Variants in BCL9 observed in about 807,000 individuals in gnomAD.
The protein encoded by BCL9 is BCL9 transcription coactivator, also known as B-cell CLL/lymphoma 9 protein.
BCL9 carries 25 observed loss-of-function variants against 88.5 expected under a neutral mutation model. The observed-to-expected ratio is 0.28, with a 90% CI of 0.21 to 0.39. The LOEUF (loss-of-function observed/expected upper bound fraction) is 0.39. Ranked by LOEUF, BCL9 falls within the 10% of genes least tolerant of loss-of-function variation. The pLI, the probability that BCL9 is intolerant of heterozygous loss-of-function variation, is 1.00. For synonymous variants in BCL9, 711 were observed against 673.3 expected, an observed-to-expected ratio of 1.06 and a Z score of -0.87; for missense variants, 1,817 against 1,877.8, an observed-to-expected ratio of 0.97 and a Z score of 0.60.
intron 1 of BCL9, among the ~76,000 whole-genome samples, chr1:147,557,996 A>C (rs868923274): frequency 2.6e-5 from 4 of 152,260 alleles, no homozygotes; most frequent in Middle Eastern, 6.8e-3. Context: ...TAAGACCCAC[A>C]TTACTTTACA....
chr1:147,576,271 A>C (rs1381280003), intron 1 of BCL9, among the ~76,000 whole-genome samples: 3 of 152,218 alleles, frequency 2.0e-5, no homozygotes, highest in African/African-American at 7.2e-5. Context: ...AAAATGTCTA[A>C]GTGAAAAGGC....
Position 147,624,462 on chromosome 1 carries a change from C to G in BCL9, c.3784C>G (p.Gln1262Glu), listed in dbSNP as rs782777919. 1.9e-6 allele frequency: 3 copies of G among 1,614,092 alleles called. No homozygotes were observed. The highest frequency in any genetic ancestry group is 2.5e-6 in the Non-Finnish European group (3 of 1,180,040). ...TCGAGGGGAAGTTCCAGGCCGTAAACAGCCCCAGGGTCCTGGACCTGGGTT... is the reference window on the plus strand; with the variant it reads ...TCGAGGGGAAGTTCCAGGCCGTAAAGAGCCCCAGGGTCCTGGACCTGGGTT... ...FPRGEVPGRK[Q>E]PQGPGPGFSH... Residue 1262 changes from glutamine (Q) to glutamate (E), a missense_variant, in exon 10 of 10, where the codon CAG becomes GAG. Transcript: ENST00000234739. The surrounding 1 kb of genome is among the most constrained non-coding windows in gnomAD (Gnocchi z 4.4).
chr1:147,603,092 C>T (rs587736684), intron 1 of BCL9, among the ~76,000 whole-genome samples: 1 of 152,330 alleles, frequency 6.6e-6, no homozygotes, highest in East Asian at 1.9e-4. Context: ...GATTATGTAG[C>T]CCAACTCTTC....
intron 1 of BCL9, among the ~76,000 whole-genome samples, chr1:147,556,492 C>A (rs1394888939): frequency 6.6e-6 from 1 of 151,662 alleles, no homozygotes; most frequent in African/African-American, 2.4e-5. Flanking sequence ...CCCTCTGTCG[C>A]CCAGGCTGGA....
At position 147,547,637 on chromosome 1, in the gene BCL9, G is replaced by A. The variant is rs146725402; in HGVS notation, c.-478+5963G>A. 4.8e-3 allele frequency among the ~76,000 whole-genome samples: 734 copies of A among 152,244 alleles called. 3 individuals are homozygous for A. Among genetic ancestry groups the A allele is most frequent in the Non-Finnish European group, 8.2e-3 (560 of 67,998 alleles). On this transcript the variant is annotated intron_variant, in intron 1 of 9. Transcript: ENST00000234739. Reference sequence around the variant, plus strand: ...ATGTAATAATTTTTTGACTTACAATGTTCCTTTATTCTGGGTTGCTTAAAA... The same window carrying A: ...ATGTAATAATTTTTTGACTTACAATATTCCTTTATTCTGGGTTGCTTAAAA...
intron 1 of BCL9, among the ~76,000 whole-genome samples, chr1:147,554,350 C>G (rs6659237): frequency 0.18 from 27,982 of 152,062 alleles, 6,996 homozygotes; most frequent in African/African-American, 0.57. Flanking sequence ...ACTGAAAAGA[C>G]AAGGACATTT....
intron 1 of BCL9, among the ~76,000 whole-genome samples, chr1:147,542,092 A>G (rs1056544985): frequency 2.0e-5 from 3 of 152,168 alleles, no homozygotes; most frequent in Non-Finnish European, 4.4e-5. Context: ...AGGGCCGGCC[A>G]GGGCTCCGCC....
intron 1 of BCL9, among the ~76,000 whole-genome samples, chr1:147,604,227 C>T (rs955852974): frequency 6.6e-6 from 1 of 152,168 alleles, no homozygotes; most frequent in South Asian, 2.1e-4. Context: ...CCAGGAGGTT[C>T]ACAAACATTT....
At chr1:147,602,922 C>G (rs1657476779) in intron 1 of BCL9, among the ~76,000 whole-genome samples, 1 of 152,154 alleles carries the variant, frequency 6.6e-6, no homozygotes, top group African/African-American at 2.4e-5. Flanking sequence ...GTTCGTTCTC[C>G]CATTGACTTA....
At position 147,620,549 on chromosome 1, in the gene BCL9, G is replaced by A. The variant is rs990202062; in HGVS notation, c.2394G>A (p.Arg798=). ...GTCCAGGCAGCAACAGTGGCTTGCG[G>A]AATCTCAGAGAACCAATTGGGCCCG... is the stretch of plus-strand genomic sequence containing the variant. ...SQGPGSNSGL[R]NLREPIGPDQ... Residue 798 remains arginine, a synonymous_variant, in exon 8 of 10, where the codon CGG becomes CGA. Coordinates refer to ENST00000234739, the MANE Select transcript of BCL9 (RefSeq NM_004326.4). 1.2e-6 allele frequency: 2 copies of A among 1,613,448 alleles called. No homozygotes were observed. The highest frequency in any genetic ancestry group is 1.7e-6 in the Non-Finnish European group (2 of 1,179,894).
At chr1:147,613,386 T>C (rs1553203086) in intron 5 of BCL9, among the ~76,000 whole-genome samples, 187 bp downstream of exon 5, 1 of 152,236 alleles carries the variant, frequency 6.6e-6, no homozygotes, top group Non-Finnish European at 1.5e-5. Flanking sequence ...AAGAATTGTT[T>C]GGAACCTCCT....
intron 1 of BCL9, among the ~76,000 whole-genome samples, chr1:147,602,196 C>G (rs1657427872): frequency 1.5e-5 from 2 of 137,520 alleles, no homozygotes; most frequent in South Asian, 5.0e-4. Context: ...GCCACCGCGC[C>G]CGGCTAGAAG....
At position 147,612,694 on chromosome 1, in the gene BCL9, T is replaced by C. The variant is rs77826295; in HGVS notation, c.54-189T>C. Among the ~76,000 whole-genome samples the C allele has an allele frequency of 8.6e-3, 1,312 of 152,242 alleles. 14 individuals carry two copies. Among genetic ancestry groups the C allele is most frequent in the Non-Finnish European group, 0.014 (980 of 68,020 alleles). On this transcript the variant is annotated intron_variant, in intron 4 of 9. Coordinates refer to ENST00000234739, the MANE Select transcript of BCL9 (RefSeq NM_004326.4). ...CCTGGCAGGCCACTCTGCTTGATCC[T>C]CCTCTCTGTTGATAGCTCTGAGATG...
rs782185685 is a variant in BCL9 at position 147,612,983 on chromosome 1, CAG to C, written c.155_156del (p.Gln52ArgfsTer13). ...LDSKFSNQGK[Q>X]GGSASQSQPS... ...TTCCAAATTCTCCAATCAGGGTAAACAGGGGGGCTCAGCCAGCCAATCCCAGC... is the reference window on the plus strand; with the variant it reads ...TTCCAAATTCTCCAATCAGGGTAAACGGGGGCTCAGCCAGCCAATCCCAGC... On this transcript the variant is annotated frameshift_variant, in exon 5 of 10. Transcript: ENST00000234739. LOFTEE classifies it high-confidence loss of function. 77 of 1,610,120 alleles carry C rather than the reference CAG, an allele frequency of 4.8e-5. No individual in the cohort carries two copies. The highest frequency in any genetic ancestry group is 5.8e-5 in the Non-Finnish European group (68 of 1,178,232).
At chr1:147,622,637 A>G in intron 9 of BCL9, 106 bp downstream of exon 9, 1 of 1,401,580 alleles carries the variant, frequency 7.1e-7, no homozygotes, top group East Asian at 2.4e-5. Flanking sequence ...AAGTTCAACA[A>G]GTAGAAAAAA....
chr1:147,615,964 AG>A, intron 7 of BCL9, 62 bp downstream of exon 7: 2 of 1,492,434 alleles, frequency 1.3e-6, no homozygotes, highest in Non-Finnish European at 1.8e-6. Flanking sequence ...AAAGGAAAGG[AG>A]GTGGTGAATT....
At chr1:147,568,787 G>A (rs1303561700) in intron 1 of BCL9, among the ~76,000 whole-genome samples, 1 of 152,074 alleles carries the variant, frequency 6.6e-6, no homozygotes, top group Non-Finnish European at 1.5e-5. Context: ...TCCAAAAGAA[G>A]GAATACATTT....
intron 1 of BCL9, among the ~76,000 whole-genome samples, chr1:147,563,442 G>A (rs1553196324): frequency 1.3e-5 from 2 of 152,162 alleles, no homozygotes; most frequent in Non-Finnish European, 2.9e-5. Flanking sequence ...ACAACATTCA[G>A]GTAGACATGG....
chr1:147,559,363 C>T (rs1460107089), intron 1 of BCL9, among the ~76,000 whole-genome samples: 1 of 152,188 alleles, frequency 6.6e-6, no homozygotes, highest in Non-Finnish European at 1.5e-5. Context: ...TCAGATTCCT[C>T]TGTCATCAGC....
Sources: allele counts gnomAD v4.1 joint callset (sites outside exome capture counted in the v4.1 genomes callset), GRCh38; gene constraint gnomAD v4.1.1; non-coding constraint Gnocchi (gnomAD v3.1); transcripts MANE v1.5; gene names NCBI Gene and HGNC (gene_info 2026-07-23, HGNC 2026-07-21).